CEP350: variants seen among roughly 807,000 people sequenced by gnomAD.
CEP350 encodes the protein centrosome-associated protein 350.
In CEP350, 126 loss-of-function variants were observed where a neutral mutation model predicts 331.8. That is an observed-to-expected ratio of 0.38 (90% CI 0.33 to 0.44). CEP350 has a LOEUF of 0.44. CEP350 is among the 20% of genes least tolerant of loss of function. CEP350 has a pLI of 1.00. For missense variants in CEP350, 3,406 were observed against 3,634.6 expected (o/e 0.94, Z 1.62); for synonymous variants, 1,200 against 1,259.5 (o/e 0.95, Z 1.00).
At chr1:180,025,599 G>GT (rs1482846957) in intron 14 of CEP350, among the ~76,000 whole-genome samples, 4 of 152,266 alleles carry the variant, frequency 2.6e-5, no homozygotes, top group South Asian at 4.1e-4. Flanking sequence ...TTCCAAAAAT[G>GT]TTTTTTCTGG....
At chr1:180,065,331 A>T in intron 27 of CEP350, 59 bp downstream of exon 27, 5 of 1,449,222 alleles carry the variant, frequency 3.5e-6, no homozygotes, top group South Asian at 1.4e-5. Context: ...ACAACAAATA[A>T]CATTTGTAAT....
chr1:180,088,955 GAT>G, intron 32 of CEP350, among the ~76,000 whole-genome samples: 1 of 152,280 alleles, frequency 6.6e-6, no homozygotes, highest in East Asian at 1.9e-4. Flanking sequence ...TCAACAATTA[GAT>G]ATGTTTCCTT....
At chr1:179,970,991 C>G (rs1253943448) in intron 1 of CEP350, among the ~76,000 whole-genome samples, 1 of 150,076 alleles carries the variant, frequency 6.7e-6, no homozygotes. Context: ...AATGATAAAC[C>G]TATTACATGT....
chr1:179,972,262 AG>A (rs1651506326), intron 1 of CEP350, among the ~76,000 whole-genome samples: 6 of 152,178 alleles, frequency 3.9e-5, no homozygotes, highest in Non-Finnish European at 2.9e-5. Context: ...TCGCCCAGCG[AG>A]AGAGTATAGT....
intron 18 of CEP350, among the ~76,000 whole-genome samples, 190 bp downstream of exon 18, chr1:180,041,438 C>A (rs1656752684): frequency 6.6e-6 from 1 of 152,114 alleles, no homozygotes; most frequent in South Asian, 2.1e-4. Context: ...TGTCAAGACT[C>A]ATTTCCAGTT....
At chr1:179,979,773 C>G (rs1652141266) in intron 1 of CEP350, among the ~76,000 whole-genome samples, 1 of 151,990 alleles carries the variant, frequency 6.6e-6, no homozygotes, top group Non-Finnish European at 1.5e-5. Context: ...TATGGAGATT[C>G]AGTTTTCCCA....
chr1:180,035,790 A>T (rs73034474), intron 16 of CEP350, among the ~76,000 whole-genome samples: 2,555 of 152,336 alleles, frequency 0.017, 74 homozygotes, highest in African/African-American at 0.058. Flanking sequence ...AAGGAGATTA[A>T]TGTTTTTATG....
At chr1:180,023,409 T>C (rs1313431816) in intron 13 of CEP350, among the ~76,000 whole-genome samples, 2 of 152,174 alleles carry the variant, frequency 1.3e-5, no homozygotes, top group East Asian at 3.8e-4. Flanking sequence ...TATACTAACA[T>C]AAAAAGCTTA....
chr1:180,028,822 T>G (rs1413470007), intron 14 of CEP350, among the ~76,000 whole-genome samples: 1 of 151,930 alleles, frequency 6.6e-6, no homozygotes, highest in Non-Finnish European at 1.5e-5. Context: ...GAAAAAATCA[T>G]GATTTATTGA....
chr1:180,103,533 T>A (rs566983380), intron 37 of CEP350, among the ~76,000 whole-genome samples: 4 of 152,210 alleles, frequency 2.6e-5, no homozygotes, highest in African/African-American at 9.6e-5. Flanking sequence ...GACAGTTCTT[T>A]ATGGGGAATT....
chr1:179,972,836 A>G (rs986424502), intron 1 of CEP350, among the ~76,000 whole-genome samples: 13 of 151,788 alleles, frequency 8.6e-5, no homozygotes, highest in African/African-American at 3.1e-4. Flanking sequence ...TTGCTTGAAG[A>G]GTCAGAGTCT....
chr1:180,073,995 C>CT (rs970683557), intron 27 of CEP350: 432 of 1,076,518 alleles, frequency 4.0e-4, no homozygotes, highest in East Asian at 5.2e-4. Flanking sequence ...CTCTCTCTCT[C>CT]TTTTTTTTTA....
At chr1:180,004,684 A>G (rs760954159) in intron 7 of CEP350, among the ~76,000 whole-genome samples, 22 of 152,208 alleles carry the variant, frequency 1.4e-4, no homozygotes, top group Non-Finnish European at 2.9e-4. Flanking sequence ...GCAATATTTA[A>G]TACTAATTTG....
intron 1 of CEP350, among the ~76,000 whole-genome samples, chr1:179,984,785 T>G (rs183945371): frequency 1.3e-5 from 2 of 152,302 alleles, no homozygotes; most frequent in East Asian, 3.9e-4. Flanking sequence ...AAATTACTTA[T>G]TAATGATTAT....
intron 16 of CEP350, 48 bp downstream of exon 16, chr1:180,034,130 T>C: frequency 6.4e-7 from 1 of 1,558,002 alleles, no homozygotes; most frequent in African/African-American, 1.4e-5. Flanking sequence ...ATATGAAATT[T>C]TTTTCTCTCA....
rs138726565 is a variant in CEP350 at position 180,034,006 on chromosome 1, T to C, written c.3870T>C (p.Phe1290=). 1 of 1,613,742 alleles carries C rather than the reference T, an allele frequency of 6.2e-7. No individual in the cohort carries two copies. The highest frequency in any genetic ancestry group is 1.3e-5 in the African/African-American group (1 of 74,902). ...TAATGCCTCCAACTATAACAGGATTTAAGCCTAATGCACCTCTCACTGATC... is the reference window on the plus strand; with the variant it reads ...TAATGCCTCCAACTATAACAGGATTCAAGCCTAATGCACCTCTCACTGATC... The part of the protein sequence containing the change: ...SSVMPPTITG[F]KPNAPLTDLN... Residue 1290 remains phenylalanine (F), a synonymous_variant, in exon 16 of 38, where the codon TTT becomes TTC. Transcript: ENST00000367607.
intron 25 of CEP350, among the ~76,000 whole-genome samples, chr1:180,059,136 G>A (rs1272518633): frequency 1.3e-5 from 2 of 152,088 alleles, no homozygotes; most frequent in African/African-American, 4.8e-5. Context: ...TTCTAGGCTT[G>A]AATTGGGTGA....
chr1:180,001,078 T>C (rs1322741219), intron 6 of CEP350, among the ~76,000 whole-genome samples: 2 of 152,174 alleles, frequency 1.3e-5, no homozygotes, highest in East Asian at 1.9e-4. Context: ...AGTTTTTTAC[T>C]CCAGCCTATT....
At chr1:179,968,644 A>G (rs1011283307) in intron 1 of CEP350, 2 of 414,800 alleles carry the variant, frequency 4.8e-6, no homozygotes, top group South Asian at 1.9e-5. Context: ...CTGGATTCCC[A>G]TTGTAACTTA....
Sources: gnomAD v4.1 joint callset for allele counts (sites outside exome capture counted in the v4.1 genomes callset) on GRCh38, gnomAD v4.1.1 for gene constraint, MANE v1.5 for transcripts, NCBI Gene and HGNC (gene_info 2026-07-23, HGNC 2026-07-21) for gene names.